SCAND3: variants seen among roughly 807,000 people sequenced by gnomAD.
The protein encoded by SCAND3 is SCAN domain containing 3.
At chr6:28,603,204 C>T in the SCAND3 span, among the ~76,000 whole-genome samples, 6 of 151,960 alleles carry the variant, frequency 3.9e-5, no homozygotes, top group Admixed American at 6.6e-5. Flanking sequence ...GTGATCTGCC[C>T]GCCTCAACCT....
the SCAND3 span, chr6:28,573,624 T>C: frequency 1.2e-6 from 2 of 1,613,102 alleles, no homozygotes; most frequent in South Asian, 1.1e-5. Context: ...ACTGTGGTTT[T>C]AGTACTTCAC....
At chr6:28,595,031 C>T in the SCAND3 span, among the ~76,000 whole-genome samples, 5 of 151,292 alleles carry the variant, frequency 3.3e-5, no homozygotes, top group South Asian at 8.4e-4. Flanking sequence ...AAAAGAAAAC[C>T]TGTCCAAGTT....
the SCAND3 span, among the ~76,000 whole-genome samples, chr6:28,600,777 G>C: frequency 1.4e-4 from 22 of 152,078 alleles, no homozygotes; most frequent in African/African-American, 4.6e-4. Context: ...CTAGGTATTA[G>C]ATAATATTAA....
chr6:28,594,650 C>A, the SCAND3 span, among the ~76,000 whole-genome samples: 2 of 151,912 alleles, frequency 1.3e-5, no homozygotes, highest in Admixed American at 6.6e-5. Context: ...AGCAAAACTC[C>A]AAAGAGAAAG....
chr6:28,579,168 A>G, the SCAND3 span: 1 of 1,034,966 alleles, frequency 9.7e-7, no homozygotes, highest in Non-Finnish European at 1.4e-6. This position sits in a 1 kb window ranked among gnomAD's most constrained non-coding sequence, Gnocchi z 4.5. Context: ...AACTATTAAT[A>G]CATTCAGTAG....
the SCAND3 span, among the ~76,000 whole-genome samples, chr6:28,594,050 T>C: frequency 6.6e-6 from 1 of 152,168 alleles, no homozygotes; most frequent in Non-Finnish European, 1.5e-5. Context: ...AAAATCTTTT[T>C]TATAAAAGCC....
chr6:28,598,987 T>C, the SCAND3 span, among the ~76,000 whole-genome samples: 1 of 151,750 alleles, frequency 6.6e-6, no homozygotes, highest in Non-Finnish European at 1.5e-5. Flanking sequence ...CAATACTCAT[T>C]TGGAATTTGA....
At chr6:28,602,684 C>T in the SCAND3 span, among the ~76,000 whole-genome samples, 5 of 152,266 alleles carry the variant, frequency 3.3e-5, no homozygotes, top group African/African-American at 4.8e-5. Flanking sequence ...ATTCCATTGA[C>T]TTGGCTTATA....
chr6:28,603,031 C>T, the SCAND3 span, among the ~76,000 whole-genome samples: 10 of 139,208 alleles, frequency 7.2e-5, no homozygotes, highest in South Asian at 2.0e-3. Flanking sequence ...GGCGCGATCT[C>T]GGCTCACTGC....
At chr6:28,571,590 C>T in the SCAND3 span, 2 of 246,940 alleles carry the variant, frequency 8.1e-6, no homozygotes, top group African/African-American at 4.6e-5. Flanking sequence ...GTCCTACAAT[C>T]TTAACATGCT....
the SCAND3 span, among the ~76,000 whole-genome samples, chr6:28,608,227 G>C: frequency 6.6e-6 from 1 of 152,262 alleles, no homozygotes; most frequent in South Asian, 2.1e-4. Context: ...CGGCTATGAC[G>C]CACTGCCACC....
the SCAND3 span, chr6:28,574,773 A>C: frequency 4.3e-6 from 7 of 1,614,072 alleles, no homozygotes; most frequent in African/African-American, 4.0e-5. Context: ...AGCAAAGGCT[A>C]CAAGTTATTT....
chr6:28,594,607 A>T, the SCAND3 span, among the ~76,000 whole-genome samples: 1 of 152,228 alleles, frequency 6.6e-6, no homozygotes, highest in African/African-American at 2.4e-5. Flanking sequence ...GTGAGCTGAG[A>T]TGGTGCCATT....
chr6:28,586,730 C>T, the SCAND3 span: 1 of 1,604,040 alleles, frequency 6.2e-7, no homozygotes, highest in South Asian at 1.1e-5. This position sits in a 1 kb window ranked among gnomAD's most constrained non-coding sequence, Gnocchi z 4.4. Context: ...CGAGCTTAGA[C>T]AGCTCAGGCA....
the SCAND3 span, among the ~76,000 whole-genome samples, chr6:28,588,752 A>G: frequency 5.3e-5 from 8 of 152,322 alleles, no homozygotes; most frequent in Admixed American, 4.6e-4. This position sits in a 1 kb window ranked among gnomAD's most constrained non-coding sequence, Gnocchi z 4.1. Flanking sequence ...ATCCTCCCCC[A>G]GAAACTGCCA....
chr6:28,596,587 T>A, the SCAND3 span, among the ~76,000 whole-genome samples: 1 of 151,972 alleles, frequency 6.6e-6, no homozygotes, highest in Non-Finnish European at 1.5e-5. Flanking sequence ...CAGTGCCTAT[T>A]CAAAAACTTA....
At chr6:28,590,702 A>G in the SCAND3 span, 1 of 152,218 alleles carries the variant, frequency 6.6e-6, no homozygotes, top group East Asian at 1.9e-4. Flanking sequence ...CAAAAAACCA[A>G]ATCGAATCCT....
the SCAND3 span, chr6:28,570,863 T>C: frequency 6.6e-6 from 1 of 152,174 alleles, no homozygotes; most frequent in Non-Finnish European, 1.5e-5. Context: ...TTTTTCTGAA[T>C]CATCTCCAAA....
At chr6:28,598,638 A>G in the SCAND3 span, among the ~76,000 whole-genome samples, 1 of 151,884 alleles carries the variant, frequency 6.6e-6, no homozygotes, top group Non-Finnish European at 1.5e-5. Context: ...TGAGGTCAGG[A>G]GTTCGAGACC....
Sources: allele counts gnomAD v4.1 joint callset (sites outside exome capture counted in the v4.1 genomes callset), GRCh38; gene constraint gnomAD v4.1.1; non-coding constraint Gnocchi (gnomAD v3.1); transcripts MANE v1.5; gene names NCBI Gene and HGNC (gene_info 2026-07-23, HGNC 2026-07-21).